CLHC1: variants seen among roughly 807,000 people sequenced by gnomAD.
The protein encoded by CLHC1 is clathrin heavy chain linker domain-containing protein 1.
Under a neutral mutation model 69.5 loss-of-function variants are expected in CLHC1, and 72 were observed. The observed-to-expected ratio is 1.04, with a 90% confidence interval of 0.86 to 1.26. CLHC1 has a LOEUF of 1.26. Among genes scored for constraint, CLHC1 ranks in the 50% most tolerant of loss-of-function variants. The pLI, the probability that CLHC1 is intolerant of heterozygous loss-of-function variation, is 0.00. For missense variants in CLHC1, 790 were observed against 679.3 expected (o/e 1.16, Z -1.81); for synonymous variants, 223 against 224.3 (o/e 0.99, Z 0.05).
At chr2:55,228,904 C>G (rs984561220) in intron 1 of CLHC1, among the ~76,000 whole-genome samples, 3 of 152,054 alleles carry the variant, frequency 2.0e-5, no homozygotes, top group Non-Finnish European at 2.9e-5. Context: ...AATCCCAGCA[C>G]TTTGGAAAGC....
chr2:55,200,525 A>T (rs1175807400), intron 9 of CLHC1, among the ~76,000 whole-genome samples: 1 of 152,206 alleles, frequency 6.6e-6, no homozygotes, highest in African/African-American at 2.4e-5. Context: ...ACCCAGATAC[A>T]TAAAGCAAAT....
chr2:55,211,363 G>A (rs930675297), intron 5 of CLHC1, among the ~76,000 whole-genome samples: 14 of 151,878 alleles, frequency 9.2e-5, no homozygotes, highest in Non-Finnish European at 1.3e-4. Flanking sequence ...TTAGCCGGGC[G>A]TGGTGGCAGG....
rs75073607 is a variant in CLHC1, at chr2:55,181,649, C to T, written c.1102G>A (p.Ala368Thr). 2.7e-3 allele frequency: 4,379 copies of T among 1,613,536 alleles called. 116 individuals carry two copies. In the African/African-American group the frequency reaches 0.052, roughly 19 times the overall value. The change falls in exon 10 of 13, where the codon GCT becomes ACT. Residue 368 changes from alanine (A) to threonine (T), a missense_variant. Physicochemically the swap from Ala to Thr is moderately conservative, Grantham distance 58. Transcript: ENST00000401408. ...SHAFPCPVDA[A>T]LTLEGIKCGL... Reference sequence around the variant, plus strand: ...CATTTGATTCCTTCCAGGGTTAGAGCTGCATCAACAGGACATGGAAAAGCA... The same window carrying T: ...CATTTGATTCCTTCCAGGGTTAGAGTTGCATCAACAGGACATGGAAAAGCA...
chr2:55,182,035 C>CAGAAG (rs1357245366), intron 9 of CLHC1, among the ~76,000 whole-genome samples: 1 of 151,908 alleles, frequency 6.6e-6, no homozygotes, highest in Non-Finnish European at 1.5e-5. Context: ...ATGGAATCTC[C>CAGAAG]CTTAGAGCCT....
intron 9 of CLHC1, among the ~76,000 whole-genome samples, chr2:55,191,737 C>T (rs1365599327): frequency 1.3e-5 from 2 of 150,000 alleles, no homozygotes; most frequent in African/African-American, 2.5e-5. Flanking sequence ...GCTCCTAAGT[C>T]AACAAAGGAG....
At chr2:55,216,287 G>C (rs542515458) in intron 4 of CLHC1, among the ~76,000 whole-genome samples, 2 of 146,562 alleles carry the variant, frequency 1.4e-5, no homozygotes, top group African/African-American at 2.5e-5. Context: ...GCGAAACTCC[G>C]TCTCAAAAAA....
At chr2:55,222,981 A>G (rs1674299542) in intron 2 of CLHC1, among the ~76,000 whole-genome samples, 1 of 150,078 alleles carries the variant, frequency 6.7e-6, no homozygotes, top group South Asian at 2.1e-4. Flanking sequence ...CTGCTCTGGG[A>G]CAGAAATACC....
At chr2:55,201,704 C>T (rs1205637698) in intron 9 of CLHC1, among the ~76,000 whole-genome samples, 1 of 152,072 alleles carries the variant, frequency 6.6e-6, no homozygotes, top group East Asian at 1.9e-4. Context: ...CAGACAAAGA[C>T]ACATCAGAAA....
rs6545477 is a variant in CLHC1 at position 55,177,789 on chromosome 2, C to A, written c.1385-8G>T. ...ATAGCTGCAACAGGTCATCTGAAGG[C>A]AAAAATGAAAAAGTTTATCTCAATG... On this transcript the variant is annotated splice_region_variant and splice_polypyrimidine_tract_variant and intron_variant, in intron 11 of 12. Coordinates refer to ENST00000401408, the MANE Select transcript of CLHC1 (RefSeq NM_152385.4). 6.3e-7 allele frequency: 1 copy of A among 1,591,176 alleles called. No individual in the cohort carries two copies. The highest frequency in any genetic ancestry group is 1.8e-5 in the Admixed American group (1 of 55,646).
At chr2:55,196,833 C>T (rs1671468716) in intron 9 of CLHC1, among the ~76,000 whole-genome samples, 1 of 152,196 alleles carries the variant, frequency 6.6e-6, no homozygotes, top group Non-Finnish European at 1.5e-5. Flanking sequence ...GTAAAAAAGA[C>T]TTTGTCTTGC....
chr2:55,202,862 G>A (rs1672091023), intron 9 of CLHC1, among the ~76,000 whole-genome samples: 1 of 144,814 alleles, frequency 6.9e-6, no homozygotes, highest in South Asian at 2.1e-4. Context: ...TTGCACCACT[G>A]CACTCCAGCC....
chr2:55,222,315 T>TA lies in CLHC1; in HGVS notation c.96dup (p.Thr33TyrfsTer4), dbSNP rs746756389. 2 of 1,613,530 alleles carry TA rather than the reference T, an allele frequency of 1.2e-6. No individual in the cohort carries two copies. The highest frequency in any genetic ancestry group is 1.7e-6 in the Non-Finnish European group (2 of 1,179,644). ...CTACAGCCCAGTCTTTCAGTTTCTG[T>TA]AATTATGTATCTTTGCACACTTTCC... is the stretch of plus-strand genomic sequence containing the variant. On this transcript the variant is annotated frameshift_variant, in exon 3 of 13. Coordinates refer to ENST00000401408, the MANE Select transcript of CLHC1 (RefSeq NM_152385.4). LOFTEE classifies it high-confidence loss of function.
At chr2:55,176,025 T>A in intron 12 of CLHC1, 39 bp from the exon 13 acceptor site, 1 of 1,488,580 alleles carries the variant, frequency 6.7e-7, no homozygotes, top group Non-Finnish European at 9.3e-7. Flanking sequence ...ATGGCACTTA[T>A]TTGATAATCT....
intron 9 of CLHC1, among the ~76,000 whole-genome samples, chr2:55,196,150 C>T (rs1287120879): frequency 6.6e-6 from 1 of 152,158 alleles, no homozygotes; most frequent in African/African-American, 2.4e-5. Context: ...CCAGCCCTAG[C>T]CAGAAGAGAA....
At chr2:55,232,521 G>A (rs940876711), upstream of CLHC1, 37 of 496,790 alleles carry the variant, frequency 7.4e-5, no homozygotes, top group Admixed American at 4.2e-4. Context: ...AGGCTAAAGT[G>A]AGAAATAAGC....
chr2:55,217,420 G>A (rs931524883), intron 4 of CLHC1, among the ~76,000 whole-genome samples: 1 of 147,544 alleles, frequency 6.8e-6, no homozygotes, highest in Non-Finnish European at 1.5e-5. Flanking sequence ...CTATTCAGGA[G>A]GCTGAGGCAA....
intron 3 of CLHC1, chr2:55,218,236 G>A (rs1288838344): frequency 6.7e-6 from 2 of 296,710 alleles, no homozygotes; most frequent in Non-Finnish European, 1.2e-5. Flanking sequence ...GAGAAAAAAA[G>A]GCCATTTTTG....
At chr2:55,207,782 T>C (rs901956422) in intron 8 of CLHC1, among the ~76,000 whole-genome samples, 1 of 152,182 alleles carries the variant, frequency 6.6e-6, no homozygotes, top group Non-Finnish European at 1.5e-5. Flanking sequence ...GGATGTCAAC[T>C]GTAACAAACT....
At chr2:55,217,444 G>A (rs1473638165) in intron 4 of CLHC1, among the ~76,000 whole-genome samples, 2 of 138,176 alleles carry the variant, frequency 1.4e-5, no homozygotes, top group Non-Finnish European at 3.1e-5. Context: ...AACTGCTTGA[G>A]ACCAGGAGGC....
Sources: allele counts gnomAD v4.1 joint callset (sites outside exome capture counted in the v4.1 genomes callset), GRCh38; gene constraint gnomAD v4.1.1; transcripts MANE v1.5; gene names NCBI Gene and HGNC (gene_info 2026-07-23, HGNC 2026-07-21).